CAND2: variants seen among roughly 807,000 people sequenced by gnomAD.
The protein encoded by CAND2 is cullin-associated NEDD8-dissociated protein 2.
In CAND2, 62 loss-of-function variants were observed where a neutral mutation model predicts 98.9. The observed-to-expected ratio is 0.63, with a 90% CI of 0.51 to 0.77. The LOEUF is 0.77. CAND2 is among the 30% of genes least tolerant of loss of function. The pLI, the probability that CAND2 is intolerant of heterozygous loss-of-function variation, is 0.00. For missense variants in CAND2, 1,501 were observed against 1,655.2 expected (o/e 0.91, Z 1.62); for synonymous variants, 770 against 731.9 (o/e 1.05, Z -0.84).
chr3:12,802,997 T>TTC (rs1287560642), intron 1 of CAND2, among the ~76,000 whole-genome samples: 1 of 151,108 alleles, frequency 6.6e-6, no homozygotes, highest in East Asian at 1.9e-4. Flanking sequence ...TCTTTTTTTT[T>TTC]TTTTTTTTTG....
intron 2 of CAND2, among the ~76,000 whole-genome samples, chr3:12,806,677 C>T (rs1309606936): frequency 2.0e-5 from 3 of 152,150 alleles, no homozygotes; most frequent in East Asian, 3.9e-4. Context: ...AGAACGAGGG[C>T]GTCTAGTGCC....
intron 11 of CAND2, among the ~76,000 whole-genome samples, chr3:12,823,827 A>G (rs2061978989): frequency 6.6e-6 from 1 of 151,796 alleles, no homozygotes; most frequent in Non-Finnish European, 1.5e-5. Flanking sequence ...AACCCGGGAG[A>G]TGAAGGTTGC....
At position 12,810,042 on chromosome 3, in the gene CAND2, C is replaced by T. The variant is rs200883250; in HGVS notation, c.492-17C>T. On this transcript the variant is annotated splice_polypyrimidine_tract_variant and intron_variant, in intron 4 of 14. Coordinates refer to ENST00000456430, the MANE Select transcript of CAND2 (RefSeq NM_001162499.2). ...CCGCGGAGTGCGATCGGCCTGATGC[C>T]CCCTCGTGCTCCCCAGGCTGGGTGT... The T allele has an allele frequency of 8.2e-3, 11,480 of 1,402,370 alleles. 69 individuals are homozygous for T. Among genetic ancestry groups the T allele is most frequent in the Middle Eastern group, 0.037 (197 of 5,348 alleles). The allele number at this position is 1,402,370 out of a possible 1,614,324, so 86.9% of individuals were successfully genotyped here.
intron 7 of CAND2, among the ~76,000 whole-genome samples, chr3:12,814,765 T>C (rs907138364): frequency 2.6e-5 from 4 of 152,110 alleles, no homozygotes; most frequent in African/African-American, 4.8e-5. Flanking sequence ...CCTGGTACAG[T>C]CCAGACAATT....
At chr3:12,823,466 C>G (rs1446901393) in intron 11 of CAND2, among the ~76,000 whole-genome samples, 1 of 152,048 alleles carries the variant, frequency 6.6e-6, no homozygotes, top group South Asian at 2.1e-4. Flanking sequence ...CGGTGGCTCA[C>G]GCCTGTAATC....
chr3:12,828,943 TTCATCCATC>T (rs2062027657), intron 13 of CAND2, among the ~76,000 whole-genome samples: 1 of 152,178 alleles, frequency 6.6e-6, no homozygotes, highest in African/African-American at 2.4e-5. Flanking sequence ...TGTTTACCCA[TTCATCCATC>T]GCTGGACAAA....
Position 12,831,553 on chromosome 3 carries a change from G to A in CAND2, c.3464G>A (p.Arg1155Lys), listed in dbSNP as rs1171539888. 1 of 1,613,080 alleles carries A rather than the reference G, an allele frequency of 6.2e-7. No homozygotes were observed. Among genetic ancestry groups the A allele is most frequent in the South Asian group, 1.1e-5 (1 of 90,946 alleles). ...QRVDRLIEPL[R>K]ATCTAKVKAG... ...GTGGACCGACTCATTGAGCCACTAA[G>A]GGCCACCTGCACTGCCAAGGTAAGT... The change falls in exon 14 of 15, where the codon AGG becomes AAG. Residue 1155 changes from arginine (R) to lysine (K), a missense_variant. Physicochemically the swap from Arg to Lys is conservative, Grantham distance 26 (BLOSUM62 2). Around this residue, in one of 3 missense-constraint regions of CAND2, gnomAD observed 1,427 missense variants for 1,545.3 expected, o/e 0.92. Coordinates refer to ENST00000456430, the MANE Select transcript of CAND2 (RefSeq NM_001162499.2).
In CAND2 at chr3:12,833,848, G is replaced by A. The variant is rs201101373; in HGVS notation, c.3577G>A (p.Glu1193Lys). Reference protein sequence around the residue: ...RAVAALLTIPEVGKSPIMADF... With the variant: ...RAVAALLTIPKVGKSPIMADF... ...AGTGGCTGCCCTGCTGACCATCCCCGAGGTGGGGAAAAGCCCCATCATGGC... is the reference window on the plus strand; with the variant it reads ...AGTGGCTGCCCTGCTGACCATCCCCAAGGTGGGGAAAAGCCCCATCATGGC... The change falls in exon 15 of 15, where the codon GAG becomes AAG. Residue 1193 changes from glutamate (E) to lysine (K), a missense_variant. Physicochemically the swap from Glu to Lys is moderately conservative, Grantham distance 56 (BLOSUM62 1). Around this residue, in one of 3 missense-constraint regions of CAND2, gnomAD observed 1,427 missense variants for 1,545.3 expected, o/e 0.92. Transcript: ENST00000456430. The A allele has an allele frequency of 3.1e-5, 50 of 1,614,024 alleles. No individual in the cohort carries two copies. Among genetic ancestry groups the A allele is most frequent in the African/African-American group, 1.2e-4 (9 of 74,924 alleles).
chr3:12,812,499 G>A (rs2061861470), intron 5 of CAND2, among the ~76,000 whole-genome samples: 1 of 148,354 alleles, frequency 6.7e-6, no homozygotes. Flanking sequence ...CCGCTTCCCG[G>A]GTTCACGCCA....
intron 10 of CAND2, among the ~76,000 whole-genome samples, chr3:12,818,585 C>T (rs990009922): frequency 6.6e-5 from 10 of 152,210 alleles, no homozygotes; most frequent in Admixed American, 5.2e-4. Flanking sequence ...TCATCAGGCT[C>T]CTAGGAAAAT....
Position 12,808,256 on chromosome 3 carries a change from C to A in CAND2, c.414C>A (p.Leu138=). The A allele has an allele frequency of 5.2e-6, 8 of 1,551,430 alleles. No homozygotes were observed. The highest frequency in any genetic ancestry group is 7.0e-6 in the Non-Finnish European group (8 of 1,146,988). The part of the protein sequence containing the change: ...TNVCRKITGQ[L]TSAIAQQEDV... Reference sequence around the variant, plus strand: ...TGTGCCGGAAGATCACAGGCCAGCTCACCAGTGCCATTGCCCAGCAGGAGG... The same window carrying A: ...TGTGCCGGAAGATCACAGGCCAGCTAACCAGTGCCATTGCCCAGCAGGAGG... The change falls in exon 4 of 15, where the codon CTC becomes CTA. Residue 138 remains leucine (L), a synonymous_variant. Transcript: ENST00000456430.
chr3:12,802,450 T>G (rs781459646), intron 1 of CAND2, among the ~76,000 whole-genome samples: 2 of 152,252 alleles, frequency 1.3e-5, no homozygotes, highest in African/African-American at 4.8e-5. Context: ...CCATGTGCAC[T>G]TAAAACACCA....
At chr3:12,826,436 G>GT (rs11356582) in intron 12 of CAND2, among the ~76,000 whole-genome samples, 9 of 151,412 alleles carry the variant, frequency 5.9e-5, no homozygotes, top group South Asian at 4.2e-4. Context: ...CTTTTTTGTT[G>GT]TTTTTTTTTG....
At chr3:12,820,695 AC>A (rs1214975311) in intron 11 of CAND2, among the ~76,000 whole-genome samples, 15 of 152,168 alleles carry the variant, frequency 9.9e-5, no homozygotes, top group African/African-American at 3.6e-4. Flanking sequence ...GAGGAGAGGA[AC>A]TGAGACCTCC....
intron 12 of CAND2, among the ~76,000 whole-genome samples, chr3:12,826,933 C>T (rs2062006462): frequency 6.6e-6 from 1 of 150,424 alleles, no homozygotes. Context: ...CTGGTTCAAG[C>T]AATTCTCCTG....
At chr3:12,826,098 C>T (rs78670657) in intron 12 of CAND2, among the ~76,000 whole-genome samples, 6,374 of 152,234 alleles carry the variant, frequency 0.042, 354 homozygotes, top group African/African-American at 0.13. Context: ...AGACAGCCCC[C>T]GCCTTACAAT....
chr3:12,817,608 C>A lies in CAND2; in HGVS notation c.2676C>A (p.Ser892Arg). The A allele has an allele frequency of 6.2e-7, 1 of 1,613,778 alleles. No individual in the cohort carries two copies. Among genetic ancestry groups the A allele is most frequent in the Non-Finnish European group, 8.5e-7 (1 of 1,179,996 alleles). The change falls in exon 10 of 15, where the codon AGC becomes AGA. Residue 892 changes from serine (S) to arginine (R), a missense_variant. This residue lies in a region of CAND2 where 1,427 missense variants were observed against 1,545.3 expected (regional missense o/e 0.92). Coordinates refer to ENST00000456430, the MANE Select transcript of CAND2 (RefSeq NM_001162499.2). ...SYALGRVGAG[S>R]LPDFLPFLLE... ...CACTGGGCCGTGTGGGTGCTGGCAG[C>A]CTGCCCGACTTCCTGCCCTTCCTGC...
chr3:12,825,841 G>A (rs561447552), intron 12 of CAND2, among the ~76,000 whole-genome samples: 2 of 152,360 alleles, frequency 1.3e-5, no homozygotes, highest in South Asian at 4.1e-4. Flanking sequence ...GTGAGCACAT[G>A]AGGGTGCTAA....
At chr3:12,826,098 C>G (rs78670657) in intron 12 of CAND2, among the ~76,000 whole-genome samples, 1 of 152,132 alleles carries the variant, frequency 6.6e-6, no homozygotes, top group Admixed American at 6.5e-5. Flanking sequence ...AGACAGCCCC[C>G]GCCTTACAAT....
Sources: allele counts gnomAD v4.1 joint callset (sites outside exome capture counted in the v4.1 genomes callset), GRCh38; gene constraint gnomAD v4.1.1; regional missense constraint gnomAD v4.1.1; transcripts MANE v1.5; gene names NCBI Gene and HGNC (gene_info 2026-07-23, HGNC 2026-07-21).